Variants in MAST3 observed in about 807,000 individuals in gnomAD.
MAST3 encodes microtubule-associated serine/threonine-protein kinase 3.
Under a neutral mutation model 127.0 loss-of-function variants are expected in MAST3, and 43 were observed. That is an observed-to-expected ratio of 0.34 (90% CI 0.27 to 0.44). The LOEUF is 0.44. Ranked by LOEUF, MAST3 falls within the 20% of genes least tolerant of loss-of-function variation. The pLI is 1.00. For missense variants in MAST3, 1,390 were observed against 1,919.1 expected (o/e 0.72, Z 5.15); for synonymous variants, 785 against 809.2 (o/e 0.97, Z 0.51).
intron 18 of MAST3, 144 bp from the exon 19 acceptor site, chr19:18,137,095 T>C (rs2041963796): frequency 3.2e-6 from 3 of 948,574 alleles, no homozygotes; most frequent in Non-Finnish European, 4.5e-6. Context: ...GTGCTGGGAT[T>C]ACAGGTGTGA....
rs576984210 is a variant in MAST3, at chr19:18,111,530, C to CTTTTTTTTTT, written c.161+802_161+811dup. On this transcript the variant is annotated intron_variant, in intron 3 of 27. Transcript: ENST00000687212. ...TGAGCTGCTTAACTCTTTCCACAGACTTTTTTTTTTTTTTTTTTTTTTGAG... is the reference window on the plus strand; with the variant it reads ...TGAGCTGCTTAACTCTTTCCACAGACTTTTTTTTTTTTTTTTTTTTTTTTTTTTTTTTGAG... Among the ~76,000 whole-genome samples, 50 of 103,252 alleles carry CTTTTTTTTTT rather than the reference C, an allele frequency of 4.8e-4. 3 individuals carry two copies. The highest frequency in any genetic ancestry group is 1.9e-3 in the African/African-American group (41 of 21,614). 67.7% of individuals were successfully genotyped at this position (103,252 alleles called of 152,430 possible). A position where few individuals can be genotyped will look rare whatever the true frequency, so the allele number is the denominator to read the frequency against.
At chr19:18,113,108 G>A (rs2038821734) in intron 3 of MAST3, among the ~76,000 whole-genome samples, 2 of 152,234 alleles carry the variant, frequency 1.3e-5, no homozygotes, top group South Asian at 4.1e-4. Context: ...ACTGGGAGGG[G>A]AGGGAGGAAG....
Position 18,121,753 on chromosome 19 carries a change from C to T in MAST3, c.230C>T (p.Ser77Leu). The T allele has an allele frequency of 6.2e-7, 1 of 1,614,016 alleles. No homozygotes were observed. Among genetic ancestry groups the T allele is most frequent in the Non-Finnish European group, 8.5e-7 (1 of 1,179,904 alleles). Reference protein sequence around the residue: ...TPSPTLSRPLSPLSVPTGSSP... With the variant: ...TPSPTLSRPLLPLSVPTGSSP... ...TCCCCGACCCTCTCCCGGCCCCTGT[C>T]GCCATTGTCGGTCCCAACGGGTGAG... The change falls in exon 4 of 28, where the codon TCG (serine) becomes TTG (leucine). Residue 77 changes from serine (S) to leucine (L), a missense_variant. By Grantham distance (145) the Ser-to-Leu change is moderately radical. Transcript: ENST00000687212.
intron 27 of MAST3, 37 bp downstream of exon 27, chr19:18,147,661 C>G (rs1306187236): frequency 7.0e-7 from 1 of 1,435,544 alleles, no homozygotes; most frequent in African/African-American, 1.4e-5. Flanking sequence ...CCCGGCTACC[C>G]TGGGAGCAAG....
chr19:18,130,949 TG>T (rs1393961956), intron 14 of MAST3, among the ~76,000 whole-genome samples: 2 of 151,710 alleles, frequency 1.3e-5, no homozygotes, highest in African/African-American at 2.4e-5. Flanking sequence ...CCATCCTAGG[TG>T]GGGGGAACTG....
chr19:18,134,873 G>A lies in MAST3; in HGVS notation c.1761G>A (p.Gly587=). 6.2e-7 allele frequency: 1 copy of A among 1,614,034 alleles called. No homozygotes were observed. Among genetic ancestry groups the A allele is most frequent in the Non-Finnish European group, 8.5e-7 (1 of 1,179,928 alleles). The part of the protein sequence containing the change: ...APEVIFRQGY[G]KPVDWWAMGV... ...AGGTGATCTTCCGCCAGGGCTATGG[G>A]AAGCCAGTGGACTGGTGGGCCATGG... The change falls in exon 17 of 28, where the codon GGG becomes GGA. Residue 587 remains glycine (G), a synonymous_variant. Coordinates refer to ENST00000687212, the MANE Select transcript of MAST3 (RefSeq NM_001393504.1).
chr19:18,111,295 G>A (rs1389464288), intron 3 of MAST3, among the ~76,000 whole-genome samples: 5 of 152,062 alleles, frequency 3.3e-5, no homozygotes, highest in Admixed American at 3.3e-4. Context: ...TCCCCCGGGG[G>A]CCAAGCATCA....
Position 18,123,665 on chromosome 19 carries a change from G to GCCTGGCGGCTGGACCAGCC in MAST3, c.633+15_633+33dup, listed in dbSNP as rs2040252627. ...GGAGAGGTTCCCCAAGGTGGGCAGC[G>GCCTGGCGGCTGGACCAGCC]CCTGGCGGCTGGACCAGCCCCTGCA... On this transcript the variant is annotated intron_variant, in intron 8 of 27. Transcript: ENST00000687212. 6.4e-7 allele frequency: 1 copy of GCCTGGCGGCTGGACCAGCC among 1,555,390 alleles called. No individual in the cohort carries two copies. The highest frequency in any genetic ancestry group is 1.2e-5 in the South Asian group (1 of 80,884).
chr19:18,128,551 G>A (rs2040917939), intron 12 of MAST3, 93 bp downstream of exon 12: 3 of 1,289,558 alleles, frequency 2.3e-6, no homozygotes, highest in South Asian at 1.3e-5. Context: ...CCGAGGTCTT[G>A]CATGTAGCTT....
At chr19:18,147,748 C>G in intron 27 of MAST3, 124 bp downstream of exon 27, 2 of 735,288 alleles carry the variant, frequency 2.7e-6, no homozygotes, top group South Asian at 1.9e-5. Flanking sequence ...TGACCGGGAT[C>G]CTGGTGTCTA....
chr19:18,133,549 ATTTTTT>A (rs3048882), intron 15 of MAST3, among the ~76,000 whole-genome samples: 2 of 91,844 alleles, frequency 2.2e-5, no homozygotes, highest in African/African-American at 4.6e-5. Context: ...CGCCCAGCTA[ATTTTTT>A]TTTTTTTTTT....
At chr19:18,143,002 C>T (rs2042666649) in intron 21 of MAST3, among the ~76,000 whole-genome samples, 1 of 150,034 alleles carries the variant, frequency 6.7e-6, no homozygotes, top group Non-Finnish European at 1.5e-5. Flanking sequence ...ATCCCAGCTA[C>T]TTGGGAGGCT....
chr19:18,116,679 G>A (rs2039298870), intron 3 of MAST3, among the ~76,000 whole-genome samples: 1 of 135,512 alleles, frequency 7.4e-6, no homozygotes, highest in Non-Finnish European at 1.6e-5. Flanking sequence ...GGAGGCCAAG[G>A]CGGGAGGATC....
At chr19:18,131,767 C>A in intron 14 of MAST3, 142 bp from the exon 15 acceptor site, 1 of 854,854 alleles carries the variant, frequency 1.2e-6, no homozygotes, top group Non-Finnish European at 1.8e-6. Flanking sequence ...CTCCCCCGAC[C>A]CTCCCCGCTG....
chr19:18,148,806 G>A (rs1332208978), intron 27 of MAST3, among the ~76,000 whole-genome samples: 1 of 152,060 alleles, frequency 6.6e-6, no homozygotes, highest in African/African-American at 2.4e-5. Flanking sequence ...AGGGGGCCGA[G>A]GCACGAGAAT....
intron 3 of MAST3, among the ~76,000 whole-genome samples, chr19:18,119,023 C>T (rs2039634936): frequency 6.6e-6 from 1 of 152,094 alleles, no homozygotes; most frequent in Non-Finnish European, 1.5e-5. Context: ...GGCTTCAGGC[C>T]CCTGCTTTCT....
At position 18,135,788 on chromosome 19, in the gene MAST3, A is replaced by G; in HGVS notation, c.1919A>G (p.Gln640Arg). 1 of 1,612,346 alleles carries G rather than the reference A, an allele frequency of 6.2e-7. No individual in the cohort carries two copies. Among genetic ancestry groups the G allele is most frequent in the Non-Finnish European group, 8.5e-7 (1 of 1,179,210 alleles). ...GATGAGGCCCTTCCAGCAGACGCCC[A>G]GGACCTCATCACCAGGTTGCTCCGG... ...EGDEALPADA[Q>R]DLITRLLRQS... The change falls in exon 18 of 28, where the codon CAG becomes CGG. Residue 640 changes from glutamine to arginine, a missense_variant. By Grantham distance (43) the Gln-to-Arg change is conservative. Coordinates refer to ENST00000687212, the MANE Select transcript of MAST3 (RefSeq NM_001393504.1).
At chr19:18,127,144 A>C (rs888919504) in intron 11 of MAST3, among the ~76,000 whole-genome samples, 7 of 151,896 alleles carry the variant, frequency 4.6e-5, no homozygotes, top group Non-Finnish European at 1.0e-4. Flanking sequence ...CACCTACTTG[A>C]GAGGCTGAGG....
chr19:18,144,148 G>C lies in MAST3; in HGVS notation c.2584+141G>C. The C allele has an allele frequency of 8.0e-7, 1 of 1,243,800 alleles. No homozygotes were observed. The highest frequency in any genetic ancestry group is 1.1e-6 in the Non-Finnish European group (1 of 921,308). The allele number at this position is 1,243,800 out of a possible 1,614,324, so 77.0% of individuals were successfully genotyped here. A position where few individuals can be genotyped will look rare whatever the true frequency, so the allele number is the denominator to read the frequency against. On this transcript the variant is annotated intron_variant, in intron 22 of 27. Transcript: ENST00000687212. The surrounding 1 kb of genome is among the most constrained non-coding windows in gnomAD (Gnocchi z 4.0). ...AGAGAGGAGAAGCCAGGGTCCCAGA[G>C]AGACCCCCAGCCCCCAAGGAACCCC... is the stretch of plus-strand genomic sequence containing the variant.
Sources: gnomAD v4.1 joint callset for allele counts (sites outside exome capture counted in the v4.1 genomes callset) on GRCh38, gnomAD v4.1.1 for gene constraint, Gnocchi (gnomAD v3.1) non-coding constraint, MANE v1.5 for transcripts, NCBI Gene and HGNC (gene_info 2026-07-23, HGNC 2026-07-21) for gene names.